Variants in GPC6 observed in about 807,000 individuals in gnomAD.
GPC6 encodes the protein glypican 6.
Under a neutral mutation model 55.2 loss-of-function variants are expected in GPC6, and 14 were observed. The ratio of observed to expected loss-of-function variants is 0.25; its 90% confidence interval spans 0.17 to 0.40. GPC6 has a LOEUF of 0.40. Ranked by LOEUF, GPC6 falls within the 10% of genes least tolerant of loss-of-function variation. GPC6 has a pLI of 1.00. For synonymous variants in GPC6, 278 were observed against 259.6 expected, an observed-to-expected ratio of 1.07 and a Z score of -0.68; for missense variants, 641 against 708.5, an observed-to-expected ratio of 0.90 and a Z score of 1.08.
chr13:93,366,817 T>C (rs553680439), intron 1 of GPC6, among the ~76,000 whole-genome samples: 2 of 152,202 alleles, frequency 1.3e-5, no homozygotes, highest in Non-Finnish European at 2.9e-5. Flanking sequence ...TCTCCTATGG[T>C]TTTTTGCTCT....
chr13:94,312,851 A>G (rs1876326047), intron 6 of GPC6, among the ~76,000 whole-genome samples: 1 of 152,228 alleles, frequency 6.6e-6, no homozygotes, highest in African/African-American at 2.4e-5. Flanking sequence ...TAAATGGGTC[A>G]AGGCCAGATT....
At chr13:93,831,813 G>A (rs1046873581) in intron 3 of GPC6, among the ~76,000 whole-genome samples, 1 of 151,310 alleles carries the variant, frequency 6.6e-6, no homozygotes, top group Non-Finnish European at 1.5e-5. Context: ...TATCTTTGCC[G>A]GGCGCGGTGG....
chr13:93,349,948 G>C (rs1167387185), intron 1 of GPC6, among the ~76,000 whole-genome samples: 1 of 152,146 alleles, frequency 6.6e-6, no homozygotes, highest in Non-Finnish European at 1.5e-5. Context: ...AAAATTAAAA[G>C]TCATATAAAT....
chr13:93,404,917 A>G (rs1279587973), intron 1 of GPC6, among the ~76,000 whole-genome samples: 2 of 152,192 alleles, frequency 1.3e-5, no homozygotes, highest in Non-Finnish European at 2.9e-5. Context: ...TAATCACCTC[A>G]TTAATCAAAT....
chr13:94,178,231 T>C (rs1888859110), intron 4 of GPC6, among the ~76,000 whole-genome samples: 1 of 152,090 alleles, frequency 6.6e-6, no homozygotes, highest in African/African-American at 2.4e-5. Context: ...ACTCCTGACT[T>C]TGTGATCTGC....
rs527588304 is a variant in GPC6, at chr13:94,341,080, T to C, written c.1152+34957T>C. Among the ~76,000 whole-genome samples, 215 of 152,364 alleles carry C rather than the reference T, an allele frequency of 1.4e-3. 1 individual carries two copies. Among genetic ancestry groups the C allele is most frequent in the African/African-American group, 4.9e-3 (205 of 41,580 alleles). ...TTTCCAAATGCACAGGTTATCATTA[T>C]TGAACGACAAGATAAAATAATAGCT... On this transcript the variant is annotated intron_variant, in intron 6 of 8. Transcript: ENST00000377047.
At chr13:93,726,577 T>C (rs1883652218) in intron 2 of GPC6, among the ~76,000 whole-genome samples, 1 of 151,844 alleles carries the variant, frequency 6.6e-6, no homozygotes, top group South Asian at 2.1e-4. Context: ...GATCTGCAAA[T>C]CTGTAACATC....
chr13:94,086,088 G>T lies in GPC6; in HGVS notation c.877+58194G>T, dbSNP rs552115558. Among the ~76,000 whole-genome samples, 19 of 151,672 alleles carry T rather than the reference G, an allele frequency of 1.3e-4. No homozygotes were observed. The South Asian group carries it at 3.1e-3, about 25-fold the overall frequency. On this transcript the variant is annotated intron_variant, in intron 4 of 8. Coordinates refer to ENST00000377047, the MANE Select transcript of GPC6 (RefSeq NM_005708.5). ...ATTCTTTTTTTGTTTCTAGGTTAGA[G>T]ATTCAAATAGAACTTTCTCTGCTTC...
intron 1 of GPC6, among the ~76,000 whole-genome samples, chr13:93,500,847 A>G (rs61964227): frequency 0.082 from 12,536 of 152,164 alleles, 696 homozygotes; most frequent in Middle Eastern, 0.12. Flanking sequence ...CTGTTGCCCA[A>G]TCTCTCCCAC....
chr13:93,575,519 A>G (rs1477357365), intron 2 of GPC6, among the ~76,000 whole-genome samples: 1 of 152,122 alleles, frequency 6.6e-6, no homozygotes, highest in East Asian at 1.9e-4. Flanking sequence ...CCTGAGTAAC[A>G]AGTTCCCAGA....
intron 3 of GPC6, among the ~76,000 whole-genome samples, chr13:93,845,427 A>T (rs1486775176): frequency 7.0e-6 from 1 of 142,230 alleles, no homozygotes; most frequent in Non-Finnish European, 1.5e-5. Context: ...CAGTGTGGCG[A>T]TTCCTCAGGG....
intron 2 of GPC6, among the ~76,000 whole-genome samples, chr13:93,563,980 A>G (rs986600033): frequency 5.3e-5 from 8 of 152,072 alleles, no homozygotes; most frequent in African/African-American, 1.9e-4. Flanking sequence ...TGCACCCTTC[A>G]CCGAAGCACT....
chr13:93,984,482 A>T (rs1880939020), intron 3 of GPC6, among the ~76,000 whole-genome samples: 1 of 152,224 alleles, frequency 6.6e-6, no homozygotes, highest in African/African-American at 2.4e-5. Flanking sequence ...ATTTGGTATG[A>T]TGTAATTATT....
intron 3 of GPC6, among the ~76,000 whole-genome samples, chr13:93,890,340 A>T (rs1253250378): frequency 6.6e-6 from 1 of 152,092 alleles, no homozygotes; most frequent in Admixed American, 6.6e-5. Flanking sequence ...ATAGTCTATC[A>T]CAGAGGAAAT....
chr13:93,539,694 C>CT (rs11455046), intron 1 of GPC6, among the ~76,000 whole-genome samples: 118,537 of 144,944 alleles, frequency 0.82, 48,458 homozygotes, highest in Non-Finnish European at 0.84. Flanking sequence ...GTGCTTGGTA[C>CT]TTTTTTTTTT....
intron 6 of GPC6, among the ~76,000 whole-genome samples, chr13:94,318,967 A>G (rs1271985683): frequency 6.6e-6 from 1 of 152,100 alleles, no homozygotes; most frequent in African/African-American, 2.4e-5. Context: ...CTGAACCCTT[A>G]TGTTTTAAAT....
chr13:94,051,761 G>A (rs11839797), intron 4 of GPC6, among the ~76,000 whole-genome samples: 1,943 of 152,122 alleles, frequency 0.013, 46 homozygotes, highest in South Asian at 0.076. Context: ...GCTTCAAGGA[G>A]ATTTTTGTCT....
chr13:93,219,689 G>A, the GPC6 span, among the ~76,000 whole-genome samples: 1 of 152,012 alleles, frequency 6.6e-6, no homozygotes, highest in Admixed American at 6.6e-5. Flanking sequence ...TAAAAGCTTT[G>A]AGTATGCTAT....
intron 4 of GPC6, among the ~76,000 whole-genome samples, chr13:94,196,178 C>A (rs1889569046): frequency 1.3e-5 from 2 of 150,530 alleles, no homozygotes; most frequent in Admixed American, 6.6e-5. Context: ...CTTGAATAAC[C>A]TTTTCAGTTT....
Sources: gnomAD v4.1 joint callset for allele counts (sites outside exome capture counted in the v4.1 genomes callset) on GRCh38, gnomAD v4.1.1 for gene constraint, MANE v1.5 for transcripts, NCBI Gene and HGNC (gene_info 2026-07-23, HGNC 2026-07-21) for gene names.